Variants in ZHX2 observed in about 807,000 individuals in gnomAD.
ZHX2 encodes the protein zinc fingers and homeoboxes protein 2.
A neutral mutation model predicts 21.9 loss-of-function variants in ZHX2; 6 were observed. The observed-to-expected ratio is 0.27, with a 90% CI of 0.15 to 0.54. The LOEUF (loss-of-function observed/expected upper bound fraction) is 0.54. Among genes scored for constraint, ZHX2 ranks in the 20% least tolerant of loss-of-function variants. The pLI is 0.95. For synonymous variants in ZHX2, 434 were observed against 437.1 expected, an observed-to-expected ratio of 0.99 and a Z score of 0.09; for missense variants, 908 against 1,090.7, an observed-to-expected ratio of 0.83 and a Z score of 2.36.
At chr8:122,934,237 G>A (rs746957810) in intron 2 of ZHX2, among the ~76,000 whole-genome samples, 20 of 152,084 alleles carry the variant, frequency 1.3e-4, no homozygotes, top group African/African-American at 2.7e-4. Context: ...TGGAAGTGTC[G>A]GATACAGCTG....
chr8:122,809,058 G>A (rs1230455032), intron 1 of ZHX2: 1 of 152,250 alleles, frequency 6.6e-6, no homozygotes, highest in Non-Finnish European at 1.5e-5. Context: ...CTAACAGGAA[G>A]AGAGACCAGA....
intron 2 of ZHX2, among the ~76,000 whole-genome samples, chr8:122,935,951 C>A (rs1812677209): frequency 6.6e-6 from 1 of 152,148 alleles, no homozygotes. Context: ...ATGGTAGACT[C>A]CTTGAAGGCA....
At chr8:122,853,546 C>T (rs1200721313) in intron 1 of ZHX2, among the ~76,000 whole-genome samples, 1 of 152,140 alleles carries the variant, frequency 6.6e-6, no homozygotes, top group Non-Finnish European at 1.5e-5. Context: ...CAGCCACTGC[C>T]CTGCCCCTCG....
intron 1 of ZHX2, among the ~76,000 whole-genome samples, chr8:122,838,642 C>A (rs1818556408): frequency 7.4e-6 from 1 of 134,762 alleles, no homozygotes; most frequent in African/African-American, 2.8e-5. Context: ...GTGGCTCGAT[C>A]TCGGCTCACT....
At chr8:122,957,111 G>A (rs1563606652) in intron 3 of ZHX2, among the ~76,000 whole-genome samples, 1 of 152,068 alleles carries the variant, frequency 6.6e-6, no homozygotes. Context: ...TAGGGAGGTA[G>A]CTTCTCTATA....
intron 2 of ZHX2, among the ~76,000 whole-genome samples, chr8:122,877,750 G>A (rs1819605052): frequency 2.0e-5 from 3 of 152,188 alleles, no homozygotes; most frequent in Admixed American, 2.0e-4. Flanking sequence ...GGATGGGACT[G>A]GAAAGTGGAA....
At position 122,782,685 on chromosome 8, in the gene ZHX2, G is replaced by C. The variant is rs1390296164; in HGVS notation, c.-283+739G>C. 2.0e-5 allele frequency among the ~76,000 whole-genome samples: 3 copies of C among 152,010 alleles called. No individual in the cohort carries two copies. Among genetic ancestry groups the C allele is most frequent in the African/African-American group, 7.2e-5 (3 of 41,416 alleles). On this transcript the variant is annotated intron_variant, in intron 1 of 3. Transcript: ENST00000314393. The surrounding 1 kb of genome is among the most constrained non-coding windows in gnomAD (Gnocchi z 5.3). ...CCTGGCGGGGGCAGGGCCGGAGCGC[G>C]GCGCTGTCCTCACCCCCGCTCAGGT...
intron 1 of ZHX2, among the ~76,000 whole-genome samples, chr8:122,851,531 G>C (rs1376675888): frequency 6.6e-6 from 1 of 152,180 alleles, no homozygotes; most frequent in African/African-American, 2.4e-5. Context: ...TTTAGTGCAA[G>C]GTCAGATTGT....
intron 3 of ZHX2, among the ~76,000 whole-genome samples, chr8:122,956,330 A>C (rs1474382588): frequency 6.6e-6 from 1 of 152,190 alleles, no homozygotes; most frequent in Non-Finnish European, 1.5e-5. Context: ...ACAACACAGT[A>C]CCCATTCACT....
chr8:122,926,685 A>G (rs1820863336), intron 2 of ZHX2, among the ~76,000 whole-genome samples: 1 of 152,124 alleles, frequency 6.6e-6, no homozygotes, highest in African/African-American at 2.4e-5. Flanking sequence ...CAGGGGCCAC[A>G]CTCACTTGGA....
intron 1 of ZHX2, among the ~76,000 whole-genome samples, chr8:122,832,999 C>T (rs1818412940): frequency 6.6e-6 from 1 of 151,960 alleles, no homozygotes; most frequent in African/African-American, 2.4e-5. Flanking sequence ...AGGGCCTGTA[C>T]GAAGAGGTGG....
intron 1 of ZHX2, among the ~76,000 whole-genome samples, chr8:122,832,758 C>G (rs552806726): frequency 6.6e-6 from 1 of 151,998 alleles, no homozygotes; most frequent in African/African-American, 2.4e-5. Context: ...GATATGCGGT[C>G]GGTTGTGAGC....
At chr8:122,802,618 G>A (rs1008202535) in intron 1 of ZHX2, among the ~76,000 whole-genome samples, 5 of 152,196 alleles carry the variant, frequency 3.3e-5, no homozygotes, top group African/African-American at 7.2e-5. Context: ...CTGCCTGCAT[G>A]GCCCCTGCTA....
rs1240125790 is a variant in ZHX2 at position 122,973,988 on chromosome 8, A to G, written c.*751A>G. 6.5e-6 allele frequency: 1 copy of G among 152,682 alleles called. No homozygotes were observed. Among genetic ancestry groups the G allele is most frequent in the Non-Finnish European group, 1.5e-5 (1 of 68,068 alleles). 9.5% of individuals were successfully genotyped at this position (152,682 alleles called of 1,614,324 possible). ...CTCTTGGGCCAGGCTGTGCCCAGCCAGCCCTGGGAGAACTGGGTAGCAGGT... is the reference window on the plus strand; with the variant it reads ...CTCTTGGGCCAGGCTGTGCCCAGCCGGCCCTGGGAGAACTGGGTAGCAGGT... On this transcript the variant is annotated 3_prime_UTR_variant, in exon 4 of 4. Transcript: ENST00000314393.
chr8:122,900,420 G>T (rs1476933011), intron 2 of ZHX2, among the ~76,000 whole-genome samples: 1 of 152,128 alleles, frequency 6.6e-6, no homozygotes, highest in Non-Finnish European at 1.5e-5. Context: ...GCCCACGAGG[G>T]AGGACATTAA....
chr8:122,784,236 G>A (rs1427491709), intron 1 of ZHX2, among the ~76,000 whole-genome samples: 1 of 152,182 alleles, frequency 6.6e-6, no homozygotes, highest in Non-Finnish European at 1.5e-5. Context: ...AAATAATCAT[G>A]GCAATGTTTG....
intron 1 of ZHX2, among the ~76,000 whole-genome samples, chr8:122,838,285 C>G (rs755004787): frequency 6.6e-6 from 1 of 152,154 alleles, no homozygotes; most frequent in Admixed American, 6.5e-5. Context: ...CCACAGACAC[C>G]CTGGCGAATA....
At chr8:122,844,158 G>A (rs868190539) in intron 1 of ZHX2, among the ~76,000 whole-genome samples, 72 of 152,342 alleles carry the variant, frequency 4.7e-4, no homozygotes, top group Middle Eastern at 6.8e-3. Context: ...GAACTGCCCT[G>A]CAGGAATTGA....
At chr8:122,964,786 T>C (rs1220778296) in intron 3 of ZHX2, among the ~76,000 whole-genome samples, 1 of 152,076 alleles carries the variant, frequency 6.6e-6, no homozygotes, top group Non-Finnish European at 1.5e-5. Flanking sequence ...CTTTTTTTTG[T>C]TGGCAATTTT....
Sources: gnomAD v4.1 joint callset for allele counts (sites outside exome capture counted in the v4.1 genomes callset) on GRCh38, gnomAD v4.1.1 for gene constraint, Gnocchi (gnomAD v3.1) non-coding constraint, MANE v1.5 for transcripts, NCBI Gene and HGNC (gene_info 2026-07-23, HGNC 2026-07-21) for gene names.